DAB1: variants seen among roughly 807,000 people sequenced by gnomAD.
DAB1 encodes the protein disabled homolog 1.
In DAB1, 15 loss-of-function variants were observed where a neutral mutation model predicts 64.6. That is an observed-to-expected ratio of 0.23 (90% CI 0.16 to 0.36). The LOEUF is 0.36. Among genes scored for constraint, DAB1 ranks in the 10% least tolerant of loss-of-function variants. The probability of loss-of-function intolerance (pLI) is 1.00; values close to 1 mark genes in which losing one functional copy is unlikely to be tolerated. For missense variants in DAB1, 596 were observed against 706.7 expected (o/e 0.84, Z 1.78); for synonymous variants, 235 against 251.9 (o/e 0.93, Z 0.64).
chr1:58,076,381 T>C (rs926177503), intron 5 of DAB1, among the ~76,000 whole-genome samples: 2 of 152,198 alleles, frequency 1.3e-5, no homozygotes, highest in Non-Finnish European at 2.9e-5. Flanking sequence ...CCCAAGGCCA[T>C]GCTGCCTCTT....
At chr1:57,125,838 A>G (rs1206027770) in intron 4 of DAB1, among the ~76,000 whole-genome samples, 1 of 152,120 alleles carries the variant, frequency 6.6e-6, no homozygotes, top group Non-Finnish European at 1.5e-5. Context: ...TCTCAGGGAG[A>G]TGGTAGTTTA....
chr1:58,348,347 C>A (rs1309196776), intron 3 of DAB1, among the ~76,000 whole-genome samples: 1 of 152,104 alleles, frequency 6.6e-6, no homozygotes, highest in African/African-American at 2.4e-5. Context: ...TTCCAACAAA[C>A]CGCAAGCCAG....
chr1:57,811,823 C>G (rs1289515983), intron 6 of DAB1, among the ~76,000 whole-genome samples: 1 of 152,136 alleles, frequency 6.6e-6, no homozygotes, highest in African/African-American at 2.4e-5. Context: ...AATTGATGCT[C>G]TAGGTAACCC....
chr1:57,455,741 G>A (rs1193154628), intron 7 of DAB1, among the ~76,000 whole-genome samples: 2 of 152,132 alleles, frequency 1.3e-5, no homozygotes, highest in African/African-American at 4.8e-5. Flanking sequence ...TCACCAAGCT[G>A]CATCATTCAT....
At chr1:57,181,749 A>G (rs1311438143) in intron 2 of DAB1, among the ~76,000 whole-genome samples, 1 of 152,230 alleles carries the variant, frequency 6.6e-6, no homozygotes, top group Non-Finnish European at 1.5e-5. Context: ...CTTTGAAGAC[A>G]GGCAAATGTG....
chr1:58,530,022 A>G (rs1387297914), intron 1 of DAB1, among the ~76,000 whole-genome samples: 1 of 151,930 alleles, frequency 6.6e-6, no homozygotes, highest in Non-Finnish European at 1.5e-5. Context: ...CTGAGACTAC[A>G]GGCGCCCGCC....
intron 4 of DAB1, among the ~76,000 whole-genome samples, chr1:57,076,809 A>T (rs565673626): frequency 9.2e-5 from 14 of 152,276 alleles, no homozygotes; most frequent in Admixed American, 6.5e-4. Flanking sequence ...TCACTGCATT[A>T]TATTTGTCCT....
In DAB1 at chr1:57,177,002, C is replaced by T. The variant is rs148847388; in HGVS notation, c.68-31573G>A. ...AAAAAAAAAAAAAAAAGCCCTCAGACTACCCACATTTGCCTAAAAGCGGGA... is the reference window on the plus strand; with the variant it reads ...AAAAAAAAAAAAAAAAGCCCTCAGATTACCCACATTTGCCTAAAAGCGGGA... On this transcript the variant is annotated intron_variant, in intron 2 of 14. Transcript: ENST00000371236. 4.0e-3 allele frequency among the ~76,000 whole-genome samples: 552 copies of T among 137,962 alleles called. 3 individuals are homozygous for T. Among genetic ancestry groups the T allele is most frequent in the Non-Finnish European group, 6.3e-3 (408 of 64,554 alleles). 90.5% of individuals were successfully genotyped at this position (137,962 alleles called of 152,430 possible).
chr1:57,062,253 G>A (rs753708795), intron 9 of DAB1, among the ~76,000 whole-genome samples: 8 of 152,142 alleles, frequency 5.3e-5, no homozygotes, highest in Non-Finnish European at 1.0e-4. Flanking sequence ...TTCTCCACAA[G>A]CCCATTGCAT....
At chr1:57,282,365 G>A (rs543294088) in intron 2 of DAB1, among the ~76,000 whole-genome samples, 80 of 152,054 alleles carry the variant, frequency 5.3e-4, no homozygotes, top group African/African-American at 8.4e-4. Context: ...GGGAGCAAGC[G>A]GAGTGACAGA....
At chr1:57,424,403 C>G (rs912605146), upstream of DAB1, among the ~76,000 whole-genome samples, 4 of 151,964 alleles carry the variant, frequency 2.6e-5, no homozygotes, top group African/African-American at 9.6e-5. Context: ...CCCCTGCACT[C>G]TCTCTCCATC....
chr1:58,315,295 T>C (rs1662533339), intron 4 of DAB1, among the ~76,000 whole-genome samples: 1 of 152,118 alleles, frequency 6.6e-6, no homozygotes, highest in Non-Finnish European at 1.5e-5. Flanking sequence ...TGATTAGAAA[T>C]AAAAGAGGAA....
chr1:57,121,675 G>T (rs1357776759), intron 4 of DAB1, among the ~76,000 whole-genome samples: 1 of 151,978 alleles, frequency 6.6e-6, no homozygotes, highest in Non-Finnish European at 1.5e-5. Context: ...TTTCTTCTAG[G>T]GTTTTTACGG....
intron 1 of DAB1, among the ~76,000 whole-genome samples, chr1:57,879,826 T>G (rs572769173): frequency 2.0e-5 from 3 of 152,258 alleles, no homozygotes; most frequent in Non-Finnish European, 1.5e-5. Flanking sequence ...ACAAGCCCAT[T>G]GCAACTATAT....
At chr1:57,695,785 A>G (rs1646837322) in intron 6 of DAB1, among the ~76,000 whole-genome samples, 1 of 152,150 alleles carries the variant, frequency 6.6e-6, no homozygotes, top group Non-Finnish European at 1.5e-5. Context: ...CTGTAATCCC[A>G]GCTACTTGGG....
chr1:57,176,286 T>C (rs932138455), intron 2 of DAB1, among the ~76,000 whole-genome samples: 1 of 152,148 alleles, frequency 6.6e-6, no homozygotes, highest in African/African-American at 2.4e-5. Flanking sequence ...ATTGCACTTA[T>C]AGTTCCACCT....
intron 1 of DAB1, among the ~76,000 whole-genome samples, chr1:57,352,729 G>C (rs1275267551): frequency 6.6e-6 from 1 of 152,050 alleles, no homozygotes; most frequent in Non-Finnish European, 1.5e-5. Context: ...TTTCTCCTAG[G>C]GTATGACATT....
chr1:58,476,390 G>T (rs1645419262), intron 3 of DAB1, among the ~76,000 whole-genome samples: 3 of 152,142 alleles, frequency 2.0e-5, no homozygotes, highest in Admixed American at 2.0e-4. Context: ...AGCTAGTGTG[G>T]TGAGAACACC....
intron 1 of DAB1, among the ~76,000 whole-genome samples, chr1:57,372,468 C>T (rs1981891): frequency 6.6e-6 from 1 of 152,266 alleles, no homozygotes; most frequent in African/African-American, 2.4e-5. Flanking sequence ...CACTTTGGAG[C>T]CTGCATGTTC....
Sources: allele counts gnomAD v4.1 joint callset (sites outside exome capture counted in the v4.1 genomes callset), GRCh38; gene constraint gnomAD v4.1.1; transcripts MANE v1.5; gene names NCBI Gene and HGNC (gene_info 2026-07-23, HGNC 2026-07-21).